PEAK1: variants seen among roughly 807,000 people sequenced by gnomAD.
The protein encoded by PEAK1 is pseudopodium enriched atypical kinase 1, also known as inactive tyrosine-protein kinase PEAK1.
PEAK1 carries 54 observed loss-of-function variants against 124.7 expected under a neutral mutation model. The ratio of observed to expected loss-of-function variants is 0.43; its 90% confidence interval spans 0.35 to 0.54. The LOEUF (loss-of-function observed/expected upper bound fraction) is 0.54, where lower values mean the gene tolerates loss of function less well. PEAK1 is among the 20% of genes least tolerant of loss of function. PEAK1 has a pLI of 0.01. For synonymous variants in PEAK1, 719 were observed against 760.0 expected (o/e 0.95, Z 0.89); for missense variants, 2,046 against 2,134.5 (o/e 0.96, Z 0.82).
chr15:77,347,121 C>T (rs150351796), intron 2 of PEAK1: 31 of 744,840 alleles, frequency 4.2e-5, no homozygotes, highest in Admixed American at 1.9e-4. Context: ...TTGGAATAAA[C>T]TTGGTATATT....
At chr15:77,154,966 G>A (rs929564210) in intron 8 of PEAK1, among the ~76,000 whole-genome samples, 14 of 151,998 alleles carry the variant, frequency 9.2e-5, no homozygotes, top group African/African-American at 2.4e-4. Context: ...TATGTGTCTT[G>A]GAGTTGCTCT....
At chr15:77,281,673 TG>T (rs1391039970) in intron 5 of PEAK1, among the ~76,000 whole-genome samples, 55 of 152,154 alleles carry the variant, frequency 3.6e-4, no homozygotes, top group Non-Finnish European at 5.9e-5. Flanking sequence ...CTCTCAATTT[TG>T]TACAGGAGAA....
chr15:77,170,368 A>G (rs979375056), intron 7 of PEAK1, among the ~76,000 whole-genome samples: 40 of 152,328 alleles, frequency 2.6e-4, no homozygotes, highest in African/African-American at 8.9e-4. Flanking sequence ...CTGATTGCAA[A>G]GTCAATATTA....
At chr15:77,226,905 T>G (rs1324379466) in intron 6 of PEAK1, among the ~76,000 whole-genome samples, 1 of 152,230 alleles carries the variant, frequency 6.6e-6, no homozygotes, top group Non-Finnish European at 1.5e-5. Context: ...GACCTAGGAC[T>G]GGATCATACA....
At chr15:77,264,692 T>C (rs2061622616) in intron 5 of PEAK1, among the ~76,000 whole-genome samples, 3 of 152,040 alleles carry the variant, frequency 2.0e-5, no homozygotes, top group African/African-American at 4.8e-5. Context: ...AGGTAATTTA[T>C]AGATTCAATG....
At chr15:77,189,526 T>C (rs1377290786) in intron 6 of PEAK1, among the ~76,000 whole-genome samples, 1 of 152,188 alleles carries the variant, frequency 6.6e-6, no homozygotes, top group East Asian at 1.9e-4. Flanking sequence ...CACCCACACC[T>C]TCCCCTCCTC....
At chr15:77,211,261 T>C (rs981088317) in intron 6 of PEAK1, among the ~76,000 whole-genome samples, 4 of 152,162 alleles carry the variant, frequency 2.6e-5, no homozygotes, top group African/African-American at 9.7e-5. Context: ...TCGCAAGGCA[T>C]GTAAGCTTAT....
intron 8 of PEAK1, among the ~76,000 whole-genome samples, chr15:77,145,968 C>A (rs1483486831): frequency 6.6e-6 from 1 of 152,182 alleles, no homozygotes; most frequent in Non-Finnish European, 1.5e-5. Context: ...ATAAATAGAA[C>A]TTATCTTCCT....
chr15:77,199,827 T>C (rs1417784937), intron 6 of PEAK1, among the ~76,000 whole-genome samples: 3 of 152,158 alleles, frequency 2.0e-5, no homozygotes, highest in Non-Finnish European at 4.4e-5. Context: ...GAAGAAGCAG[T>C]GCCAGAAAAC....
At chr15:77,411,924 T>C (rs564127033) in intron 1 of PEAK1, among the ~76,000 whole-genome samples, 1 of 152,366 alleles carries the variant, frequency 6.6e-6, no homozygotes, top group South Asian at 2.1e-4. Flanking sequence ...TAGTACTTTA[T>C]ATCTTTATCA....
rs1036176903 is a variant in PEAK1 at position 77,381,225 on chromosome 15, C to T, written c.-665-16000G>A. The stretch of plus-strand genomic sequence containing the variant: ...TTGGGAGACAATGGAAGCAAGGAAA[C>T]CAACTCAACATGACATAATTGATCC... On this transcript the variant is annotated intron_variant, in intron 1 of 9. Coordinates refer to ENST00000682557, the MANE Select transcript of PEAK1 (RefSeq NM_001385026.1). 13 of 983,036 alleles carry T rather than the reference C, an allele frequency of 1.3e-5. No homozygotes were observed. The East Asian group carries it at 4.5e-4, about 34-fold the overall frequency. 60.9% of individuals were successfully genotyped at this position (983,036 alleles called of 1,614,324 possible). A position where few individuals can be genotyped will look rare whatever the true frequency, so the allele number is the denominator to read the frequency against.
chr15:77,363,149 C>T (rs1478021762), intron 2 of PEAK1, among the ~76,000 whole-genome samples: 1 of 152,212 alleles, frequency 6.6e-6, no homozygotes, highest in Non-Finnish European at 1.5e-5. Flanking sequence ...AACCACCATG[C>T]CAGACCACTT....
chr15:77,138,334 G>A (rs895729694), intron 8 of PEAK1, among the ~76,000 whole-genome samples: 1 of 152,138 alleles, frequency 6.6e-6, no homozygotes, highest in African/African-American at 2.4e-5. Context: ...CACCGAGTGA[G>A]TGGTGAGTGA....
chr15:77,286,554 A>G lies in PEAK1; in HGVS notation c.-602-50T>C, dbSNP rs76897473. On this transcript the variant is annotated intron_variant, in intron 2 of 9. Transcript: ENST00000682557. ...AGATATATTAATAAAGGGCATTTGA[A>G]TCACTCTTTAAAACTGAGCATTCTT... 1,642 of 921,610 alleles carry G rather than the reference A, an allele frequency of 1.8e-3. 20 individuals carry two copies. In the African/African-American group the frequency reaches 0.025, roughly 14 times the overall value. The allele number at this position is 921,610 out of a possible 1,614,324, so 57.1% of individuals were successfully genotyped here.
chr15:77,266,865 T>C (rs949093718), intron 5 of PEAK1, among the ~76,000 whole-genome samples: 2 of 152,050 alleles, frequency 1.3e-5, no homozygotes, highest in Non-Finnish European at 2.9e-5. Context: ...TGCTGTAGGC[T>C]CTGTGGGACA....
Position 77,108,919 on chromosome 15 carries a change from C to T in PEAK1, c.*5237G>A, listed in dbSNP as rs912455338. On this transcript the variant is annotated 3_prime_UTR_variant, in exon 10 of 10. Transcript: ENST00000682557. Reference sequence around the variant, plus strand: ...TAATGGGATGTTGGGAATGCAGGCCCTTGCAGCCCACCTAGGTGGGGAAAG... The same window carrying T: ...TAATGGGATGTTGGGAATGCAGGCCTTTGCAGCCCACCTAGGTGGGGAAAG... 7 of 152,132 alleles carry T rather than the reference C, an allele frequency of 4.6e-5. No individual in the cohort carries two copies. The highest frequency in any genetic ancestry group is 1.7e-4 in the African/African-American group (7 of 41,420). The allele number at this position is 152,132 out of a possible 1,614,324, so 9.4% of individuals were successfully genotyped here.
chr15:77,395,343 C>A (rs775123466), intron 1 of PEAK1, among the ~76,000 whole-genome samples: 3 of 151,876 alleles, frequency 2.0e-5, no homozygotes, highest in African/African-American at 4.8e-5. Flanking sequence ...AGAGTTATTG[C>A]GCTTAAAGAG....
chr15:77,158,488 G>T lies in PEAK1; in HGVS notation c.3331+15C>A, dbSNP rs2055349213. The T allele has an allele frequency of 6.2e-7, 1 of 1,608,240 alleles. No homozygotes were observed. The highest frequency in any genetic ancestry group is 1.7e-5 in the Admixed American group (1 of 59,968). Reference sequence around the variant, plus strand: ...GGCAAAGTTTAAATACTACTTATTGGACATTTGCACTTACCTAAGTTGCTG... The same window carrying T: ...GGCAAAGTTTAAATACTACTTATTGTACATTTGCACTTACCTAAGTTGCTG... On this transcript the variant is annotated intron_variant, in intron 8 of 9. Transcript: ENST00000682557.
rs1348292742 is a variant in PEAK1 at position 77,383,965 on chromosome 15, T to G, written c.-665-18740A>C. Reference sequence around the variant, plus strand: ...GGATTAAACACTGTAAAATATAGATTGCAAATAAAAACACCAGTCAACTTG... The same window carrying G: ...GGATTAAACACTGTAAAATATAGATGGCAAATAAAAACACCAGTCAACTTG... On this transcript the variant is annotated intron_variant, in intron 1 of 9. Coordinates refer to ENST00000682557, the MANE Select transcript of PEAK1 (RefSeq NM_001385026.1). 1.3e-5 allele frequency among the ~76,000 whole-genome samples: 2 copies of G among 152,178 alleles called. 1 individual carries two copies. The highest frequency in any genetic ancestry group is 2.9e-5 in the Non-Finnish European group (2 of 68,030).
Sources: allele counts gnomAD v4.1 joint callset (sites outside exome capture counted in the v4.1 genomes callset), GRCh38; gene constraint gnomAD v4.1.1; transcripts MANE v1.5; gene names NCBI Gene and HGNC (gene_info 2026-07-23, HGNC 2026-07-21).